The following RAD51D variants were observed in gnomAD, a reference collection of about 807,000 sequenced individuals.
RAD51D encodes the protein DNA repair protein RAD51 homolog 4.
RAD51D carries 38 observed loss-of-function variants against 44.1 expected under a neutral mutation model. The ratio of observed to expected loss-of-function variants is 0.86; its 90% CI spans 0.67 to 1.13. The LOEUF (loss-of-function observed/expected upper bound fraction) is 1.13. Ranked by LOEUF, RAD51D falls within the 50% of genes most tolerant of loss-of-function variation. RAD51D has a pLI of 0.00. For missense variants in RAD51D, 390 were observed against 414.0 expected (o/e 0.94, Z 0.50); for synonymous variants, 141 against 166.6 (o/e 0.85, Z 1.18).
chr17:35,111,322 C>T (rs1319799874), intron 3 of RAD51D, among the ~76,000 whole-genome samples: 1 of 150,072 alleles, frequency 6.7e-6, no homozygotes, highest in Non-Finnish European at 1.5e-5. Context: ...CCATTGCACT[C>T]CAGGTCAGGC....
At chr17:35,115,030 T>G (rs1365168522) in intron 3 of RAD51D, among the ~76,000 whole-genome samples, 1 of 152,132 alleles carries the variant, frequency 6.6e-6, no homozygotes, top group Non-Finnish European at 1.5e-5. Context: ...CCAGCCAACT[T>G]CTCACCTGAG....
chr17:35,107,737 C>CTTTT (rs34531142), intron 3 of RAD51D, among the ~76,000 whole-genome samples: 19 of 94,006 alleles, frequency 2.0e-4, no homozygotes, highest in Non-Finnish European at 2.8e-4. Context: ...TGTGGGTTTC[C>CTTTT]TTTTTTTTTT....
chr17:35,100,074 CTCTG>C lies in RAD51D; in HGVS notation c.*875_*878del, dbSNP rs754041004. 86 of 533,146 alleles carry C rather than the reference CTCTG, an allele frequency of 1.6e-4. No homozygotes were observed. The highest frequency in any genetic ancestry group is 1.3e-3 in the East Asian group (32 of 25,536). The allele number at this position is 533,146 out of a possible 1,614,324, so 33.0% of individuals were successfully genotyped here. A position where few individuals can be genotyped will look rare whatever the true frequency, so the allele number is the denominator to read the frequency against. On this transcript the variant is annotated 3_prime_UTR_variant, in exon 10 of 10. Coordinates refer to ENST00000345365, the MANE Select transcript of RAD51D (RefSeq NM_002878.4). ...GGCTCTATTTACTGTGCAAATTCTC[CTCTG>C]TCTGTTTATGGGCAAGGCCATGGTT...
rs774802969 is a variant in RAD51D, at chr17:35,095,924, A to G, written c.*5029T>C. ...TGTAACAGATTGCTGAGGCTCAGCC[A>G]ATCACATCATCAGCTTCAGTGGGTT... On this transcript the variant is annotated 3_prime_UTR_variant, in exon 10 of 10. Coordinates refer to ENST00000345365, the MANE Select transcript of RAD51D (RefSeq NM_002878.4). 3.3e-5 allele frequency: 5 copies of G among 152,236 alleles called. No individual in the cohort carries two copies. Among genetic ancestry groups the G allele is most frequent in the Non-Finnish European group, 7.3e-5 (5 of 68,040 alleles). 9.4% of individuals were successfully genotyped at this position (152,236 alleles called of 1,614,324 possible). A position where few individuals can be genotyped will look rare whatever the true frequency, so the allele number is the denominator to read the frequency against.
At chr17:35,117,999 A>G (rs1199696781) in intron 3 of RAD51D, among the ~76,000 whole-genome samples, 1 of 152,228 alleles carries the variant, frequency 6.6e-6, no homozygotes, top group East Asian at 1.9e-4. Context: ...ATGCCTGCAC[A>G]TAGTAGGCAC....
intron 3 of RAD51D, among the ~76,000 whole-genome samples, chr17:35,110,814 A>AC (rs2091665030): frequency 6.6e-6 from 1 of 152,238 alleles, no homozygotes; most frequent in East Asian, 1.9e-4. Context: ...TCTATAAAAA[A>AC]AATACAAACA....
intron 3 of RAD51D, among the ~76,000 whole-genome samples, chr17:35,110,158 A>G (rs1208146411): frequency 6.6e-6 from 1 of 151,824 alleles, no homozygotes; most frequent in African/African-American, 2.4e-5. Context: ...TTTTTGGTAG[A>G]GACAGGGTTT....
At chr17:35,116,564 C>T (rs1335523409) in intron 3 of RAD51D, among the ~76,000 whole-genome samples, 4 of 151,890 alleles carry the variant, frequency 2.6e-5, no homozygotes, top group African/African-American at 4.8e-5. Context: ...GTGCGATCTC[C>T]GCTCACTGCA....
Position 35,114,079 on chromosome 17 carries a change from C to T in RAD51D, c.263+4422G>A, listed in dbSNP as rs187281446. ...CGAGGTCAGGAGATCGAGACCATCC[C>T]GGCTAACACGGTGAAACTCCGTCTC... On this transcript the variant is annotated intron_variant, in intron 3 of 9. Coordinates refer to ENST00000345365, the MANE Select transcript of RAD51D (RefSeq NM_002878.4). 3.9e-3 allele frequency among the ~76,000 whole-genome samples: 597 copies of T among 151,966 alleles called. 6 individuals carry two copies. The highest frequency in any genetic ancestry group is 0.014 in the African/African-American group (568 of 41,468).
intron 2 of RAD51D, among the ~76,000 whole-genome samples, 177 bp downstream of exon 2, chr17:35,118,934 G>A (rs142611020): frequency 7.2e-5 from 11 of 152,226 alleles, no homozygotes; most frequent in African/African-American, 9.6e-5. Flanking sequence ...GTAGGGACAG[G>A]GTTTCACCAT....
In RAD51D at chr17:35,095,993, C is replaced by T. The variant is rs936044237; in HGVS notation, c.*4960G>A. On this transcript the variant is annotated 3_prime_UTR_variant, in exon 10 of 10. Transcript: ENST00000345365. ...AAACCATTTTCAAATAAGGCAAAGG[C>T]AGAGCTGTAACCAATTAGTTGTCTT... 1.1e-4 allele frequency: 17 copies of T among 152,150 alleles called. No homozygotes were observed. Among genetic ancestry groups the T allele is most frequent in the African/African-American group, 4.1e-4 (17 of 41,424 alleles). The allele number at this position is 152,150 out of a possible 1,614,324, so 9.4% of individuals were successfully genotyped here.
chr17:35,110,122 C>T (rs1411639353), intron 3 of RAD51D, among the ~76,000 whole-genome samples: 2 of 152,058 alleles, frequency 1.3e-5, no homozygotes, highest in Non-Finnish European at 2.9e-5. Context: ...AGGCATGTGC[C>T]ACCACACCCA....
At chr17:35,101,097 T>C (rs2142409967) in intron 9 of RAD51D, 61 bp from the exon 10 acceptor site, 1 of 1,604,198 alleles carries the variant, frequency 6.2e-7, no homozygotes, top group Non-Finnish European at 8.5e-7. Flanking sequence ...CTTCTTTAGT[T>C]GCAAGGTTTC....
chr17:35,115,371 CA>C (rs2091724443), intron 3 of RAD51D: 2 of 483,160 alleles, frequency 4.1e-6, no homozygotes, highest in East Asian at 1.2e-4. Context: ...TCTCCCTCAT[CA>C]ACATAGCTTT....
chr17:35,106,902 T>G (rs1167840511), intron 5 of RAD51D, 86 bp downstream of exon 5: 1 of 1,598,578 alleles, frequency 6.3e-7, no homozygotes, highest in Non-Finnish European at 8.6e-7. Context: ...AAGGAATGAC[T>G]ATTCAACCCA....
chr17:35,107,037 G>A lies in RAD51D; in HGVS notation c.431C>T (p.Ser144Phe), dbSNP rs587781875. The A allele has an allele frequency of 2.8e-5, 45 of 1,614,056 alleles. No individual in the cohort carries two copies. The highest frequency in any genetic ancestry group is 5.0e-5 in the Admixed American group (3 of 60,000). Residue 144 changes from serine (S) to phenylalanine (F), a missense_variant, in exon 5 of 10, where the codon TCC becomes TTC. By Grantham distance (155) the Ser-to-Phe change is radical. Transcript: ENST00000345365. ...AGCCTGAAGCAGCTGGAGGAGGCGGGAAGCTGTCAGCCCTCCATTGGAATC... is the reference window on the plus strand; with the variant it reads ...AGCCTGAAGCAGCTGGAGGAGGCGGAAAGCTGTCAGCCCTCCATTGGAATC... ...YVDSNGGLTA[S>F]RLLQLLQAKT...
At chr17:35,109,353 C>T (rs1237864356) in intron 3 of RAD51D, among the ~76,000 whole-genome samples, 2 of 152,186 alleles carry the variant, frequency 1.3e-5, no homozygotes. Context: ...ATAAATAAAA[C>T]TGCTATAAGC....
chr17:35,109,671 C>T (rs2091651757), intron 3 of RAD51D, among the ~76,000 whole-genome samples: 1 of 145,248 alleles, frequency 6.9e-6, no homozygotes, highest in Non-Finnish European at 1.5e-5. Flanking sequence ...TAGTGTTGAA[C>T]TTTTTTTTTT....
intron 3 of RAD51D, 32 bp from the exon 4 acceptor site, chr17:35,107,479 G>A (rs752679190): frequency 4.1e-6 from 6 of 1,473,916 alleles, no homozygotes; most frequent in Admixed American, 3.3e-5. Context: ...ATCAACACAA[G>A]AGGTTAGGAG....
Sources: gnomAD v4.1 joint callset for allele counts (sites outside exome capture counted in the v4.1 genomes callset) on GRCh38, gnomAD v4.1.1 for gene constraint, MANE v1.5 for transcripts, NCBI Gene and HGNC (gene_info 2026-07-23, HGNC 2026-07-21) for gene names.